Variants in DOCK3 observed in about 807,000 individuals in gnomAD.
DOCK3 encodes dedicator of cytokinesis 3, also known as dedicator of cytokinesis protein 3.
In DOCK3, 60 loss-of-function variants were observed where a neutral mutation model predicts 265.6. The observed-to-expected ratio is 0.23, with a 90% CI of 0.18 to 0.28. DOCK3 has a LOEUF of 0.28. Among genes scored for constraint, DOCK3 ranks in the 10% least tolerant of loss-of-function variants. The pLI, the probability that DOCK3 is intolerant of heterozygous loss-of-function variation, is 1.00. For missense variants in DOCK3, 1,981 were observed against 2,594.3 expected, an observed-to-expected ratio of 0.76 and a Z score of 5.14; for synonymous variants, 881 against 938.0, an observed-to-expected ratio of 0.94 and a Z score of 1.11.
intron 7 of DOCK3, among the ~76,000 whole-genome samples, chr3:51,082,826 T>C (rs999798387): frequency 7.9e-5 from 12 of 152,150 alleles, no homozygotes; most frequent in South Asian, 4.1e-4. Context: ...ACCTATAGGA[T>C]AGGTCTGTGG....
intron 10 of DOCK3, among the ~76,000 whole-genome samples, chr3:51,155,908 A>G (rs896273938): frequency 1.3e-5 from 2 of 152,214 alleles, no homozygotes; most frequent in African/African-American, 4.8e-5. Flanking sequence ...GATTTGTTAC[A>G]TAAACAAATG....
chr3:50,981,859 T>C lies in DOCK3; in HGVS notation c.315+47782T>C, dbSNP rs905909553. Among the ~76,000 whole-genome samples, 5 of 152,160 alleles carry C rather than the reference T, an allele frequency of 3.3e-5. No homozygotes were observed. The East Asian group carries it at 9.6e-4, about 29-fold the overall frequency. ...TTTGTTTTTTATTTATTTTATTTAT[T>C]TTATTTTTGAGATGGAGTCTCTCTC... On this transcript the variant is annotated intron_variant, in intron 5 of 52. Coordinates refer to ENST00000266037, the MANE Select transcript of DOCK3 (RefSeq NM_004947.5).
chr3:51,376,366 G>A (rs901596749), intron 51 of DOCK3, among the ~76,000 whole-genome samples: 1 of 152,166 alleles, frequency 6.6e-6, no homozygotes, highest in Admixed American at 6.5e-5. Context: ...CTGGCCAGCA[G>A]CTGCTGTGAA....
At chr3:50,801,816 A>G (rs1396041778) in intron 2 of DOCK3, among the ~76,000 whole-genome samples, 1 of 152,050 alleles carries the variant, frequency 6.6e-6, no homozygotes, top group African/African-American at 2.4e-5. Context: ...CACAGCTATT[A>G]TTGTATTTGG....
chr3:50,693,974 A>G (rs888419466), intron 1 of DOCK3, among the ~76,000 whole-genome samples: 1 of 152,130 alleles, frequency 6.6e-6, no homozygotes, highest in Non-Finnish European at 1.5e-5. Flanking sequence ...GGTTTGCTAC[A>G]TACAAAATTG....
chr3:51,312,228 C>A, intron 29 of DOCK3, 149 bp downstream of exon 29: 1 of 795,514 alleles, frequency 1.3e-6, no homozygotes, highest in South Asian at 1.8e-5. Flanking sequence ...TGGGATACCC[C>A]TGTTGGAAGT....
rs562206371 is a variant in DOCK3 at position 50,742,159 on chromosome 3, C to T, written c.38-36516C>T. ...TCCTGTCTGTTAGAAGGAAAACTAACAAACAGAAAGGACATCCACACCAAA... is the reference window on the plus strand; with the variant it reads ...TCCTGTCTGTTAGAAGGAAAACTAATAAACAGAAAGGACATCCACACCAAA... On this transcript the variant is annotated intron_variant, in intron 1 of 52. Transcript: ENST00000266037. Among the ~76,000 whole-genome samples the T allele has an allele frequency of 1.8e-4, 28 of 152,178 alleles. 1 individual carries two copies. The South Asian group carries it at 5.6e-3, about 31-fold the overall frequency.
At chr3:50,948,111 C>T (rs148173094) in intron 5 of DOCK3, among the ~76,000 whole-genome samples, 5,959 of 147,418 alleles carry the variant, frequency 0.04, 383 homozygotes, top group African/African-American at 0.14. Flanking sequence ...GGCTGGAGTG[C>T]AGTGGCGCGA....
chr3:50,783,374 A>G (rs775850057), intron 2 of DOCK3, among the ~76,000 whole-genome samples: 1 of 152,012 alleles, frequency 6.6e-6, no homozygotes, highest in Non-Finnish European at 1.5e-5. Flanking sequence ...CATTCTTGCA[A>G]GAGTAAGGTG....
chr3:50,958,131 C>G (rs1395919405), intron 5 of DOCK3, among the ~76,000 whole-genome samples: 1 of 152,172 alleles, frequency 6.6e-6, no homozygotes, highest in Non-Finnish European at 1.5e-5. Flanking sequence ...TGGATATTCA[C>G]CTCCTCGGAT....
rs1553618865 is a variant in DOCK3 at position 51,381,575 on chromosome 3, C to A, written c.*16C>A. 3 of 1,484,686 alleles carry A rather than the reference C, an allele frequency of 2.0e-6. No individual in the cohort carries two copies. Among genetic ancestry groups the A allele is most frequent in the Admixed American group, 4.9e-5 (2 of 40,662 alleles). 92.0% of individuals were successfully genotyped at this position (1,484,686 alleles called of 1,614,324 possible). A position where few individuals can be genotyped will look rare whatever the true frequency, so the allele number is the denominator to read the frequency against. The stretch of plus-strand genomic sequence containing the variant: ...GGAGCAGTGAGGGGCAACGAGGCGG[C>A]TGGGATGCCGCCCTCAGTAAGCAGC... On this transcript the variant is annotated 3_prime_UTR_variant, in exon 53 of 53. Coordinates refer to ENST00000266037, the MANE Select transcript of DOCK3 (RefSeq NM_004947.5). This position sits in a 1 kb window ranked among gnomAD's most constrained non-coding sequence, Gnocchi z 5.6.
chr3:51,075,514 T>TGTTTC, intron 7 of DOCK3, 74 bp downstream of exon 7: 4 of 1,290,628 alleles, frequency 3.1e-6, no homozygotes, highest in Non-Finnish European at 4.3e-6. Context: ...TCTCTAATGT[T>TGTTTC]ATGAAACAAC....
At chr3:51,256,729 G>A (rs1277380569) in intron 22 of DOCK3, among the ~76,000 whole-genome samples, 1 of 151,850 alleles carries the variant, frequency 6.6e-6, no homozygotes, top group Non-Finnish European at 1.5e-5. Context: ...AAGTAGCTGG[G>A]ATTATAGGCT....
At chr3:50,763,950 T>G (rs1465321862) in intron 1 of DOCK3, among the ~76,000 whole-genome samples, 1 of 152,208 alleles carries the variant, frequency 6.6e-6, no homozygotes, top group East Asian at 1.9e-4. Flanking sequence ...TTGAACAAGT[T>G]TATATTCTCA....
chr3:51,165,172 C>G (rs1441818281), intron 12 of DOCK3, among the ~76,000 whole-genome samples: 1 of 152,166 alleles, frequency 6.6e-6, no homozygotes, highest in Non-Finnish European at 1.5e-5. Flanking sequence ...CTCCTAACCT[C>G]GTACTCAGCC....
At chr3:50,784,033 A>G (rs1231199547) in intron 2 of DOCK3, among the ~76,000 whole-genome samples, 3 of 151,864 alleles carry the variant, frequency 2.0e-5, no homozygotes, top group Admixed American at 1.3e-4. Context: ...ACGCCTGGCT[A>G]ATTTTTGTAT....
intron 43 of DOCK3, 119 bp downstream of exon 43, chr3:51,356,612 C>T: frequency 1.0e-6 from 1 of 974,032 alleles, no homozygotes; most frequent in Non-Finnish European, 1.6e-6. Context: ...GGCCAAGGCT[C>T]CCACAGGTCA....
intron 2 of DOCK3, among the ~76,000 whole-genome samples, chr3:50,805,505 G>A (rs1287901552): frequency 6.6e-6 from 1 of 152,172 alleles, no homozygotes; most frequent in Non-Finnish European, 1.5e-5. Context: ...AATGGCTTGT[G>A]GGGCTGTTTC....
At chr3:51,065,332 G>A (rs780732228) in intron 6 of DOCK3, among the ~76,000 whole-genome samples, 3 of 152,228 alleles carry the variant, frequency 2.0e-5, no homozygotes, top group Non-Finnish European at 4.4e-5. Context: ...ATATTTATAT[G>A]TGTGTCTTTA....
Sources: allele counts gnomAD v4.1 joint callset (sites outside exome capture counted in the v4.1 genomes callset), GRCh38; gene constraint gnomAD v4.1.1; non-coding constraint Gnocchi (gnomAD v3.1); transcripts MANE v1.5; gene names NCBI Gene and HGNC (gene_info 2026-07-23, HGNC 2026-07-21).